Variants in SLC16A7 observed in about 807,000 individuals in gnomAD.
SLC16A7 encodes the protein solute carrier family 16 member 7, also known as monocarboxylate transporter 2.
A neutral mutation model predicts 34.9 loss-of-function variants in SLC16A7; 33 were observed. That is an observed-to-expected ratio of 0.94 (90% CI 0.72 to 1.26). The LOEUF is 1.26. Among genes scored for constraint, SLC16A7 ranks in the 50% most tolerant of loss-of-function variants. The probability of loss-of-function intolerance (pLI) is 0.00; values close to 1 mark genes in which losing one functional copy is unlikely to be tolerated. For synonymous variants in SLC16A7, 201 were observed against 206.6 expected, an observed-to-expected ratio of 0.97 and a Z score of 0.23; for missense variants, 573 against 578.1, an observed-to-expected ratio of 0.99 and a Z score of 0.09.
chr12:59,771,969 A>G (rs1882279031), intron 4 of SLC16A7, among the ~76,000 whole-genome samples: 1 of 152,192 alleles, frequency 6.6e-6, no homozygotes, highest in East Asian at 1.9e-4. Context: ...CTGTCACTTG[A>G]TGATAGTTGT....
At chr12:59,772,667 C>T (rs1302322631) in intron 4 of SLC16A7, among the ~76,000 whole-genome samples, 2 of 151,972 alleles carry the variant, frequency 1.3e-5, no homozygotes, top group South Asian at 2.1e-4. Flanking sequence ...ATCATGGGTA[C>T]GTTAACCTCC....
At chr12:59,702,027 G>A (rs1208837887) in intron 2 of SLC16A7, among the ~76,000 whole-genome samples, 2 of 151,826 alleles carry the variant, frequency 1.3e-5, no homozygotes, top group Non-Finnish European at 2.9e-5. Flanking sequence ...ACAACAAAGA[G>A]TAGTTTACCA....
chr12:59,753,935 A>C (rs1280074812), intron 3 of SLC16A7, among the ~76,000 whole-genome samples: 1 of 152,198 alleles, frequency 6.6e-6, no homozygotes, highest in Non-Finnish European at 1.5e-5. Context: ...TCAAACTAGA[A>C]CTCAGGATTA....
At chr12:59,665,247 T>C (rs1176099035) in intron 2 of SLC16A7, among the ~76,000 whole-genome samples, 2 of 152,114 alleles carry the variant, frequency 1.3e-5, no homozygotes, top group South Asian at 2.1e-4. Flanking sequence ...TTATTTAAAA[T>C]AATGTACATT....
At chr12:59,603,529 A>G (rs2136957849) in intron 1 of SLC16A7, among the ~76,000 whole-genome samples, 1 of 152,290 alleles carries the variant, frequency 6.6e-6, no homozygotes, top group Non-Finnish European at 1.5e-5. Flanking sequence ...TAAGAAGTTG[A>G]GCTTAAACAC....
intron 3 of SLC16A7, among the ~76,000 whole-genome samples, chr12:59,753,238 C>G (rs1267875098): frequency 1.3e-5 from 2 of 152,180 alleles, no homozygotes; most frequent in Non-Finnish European, 2.9e-5. Context: ...ATGACAGGAT[C>G]AAATTCACAC....
At chr12:59,758,245 G>A (rs1388131491) in intron 3 of SLC16A7, among the ~76,000 whole-genome samples, 1 of 151,994 alleles carries the variant, frequency 6.6e-6, no homozygotes, top group East Asian at 1.9e-4. Context: ...CATGTTAAGT[G>A]TTCTTACCAC....
At chr12:59,614,424 G>A (rs935227638) in intron 1 of SLC16A7, among the ~76,000 whole-genome samples, 3 of 152,044 alleles carry the variant, frequency 2.0e-5, no homozygotes, top group Non-Finnish European at 2.9e-5. Context: ...GAAGTGTTTT[G>A]TATGTGTTCT....
At position 59,667,756 on chromosome 12, in the gene SLC16A7, C is replaced by G. The variant is rs374192115; in HGVS notation, c.-31+12506C>G. On this transcript the variant is annotated intron_variant, in intron 2 of 5. Coordinates refer to ENST00000547379, the MANE Select transcript of SLC16A7 (RefSeq NM_001270623.2). ...CTAATCACCAAGACAATGAAGAAAA[C>G]GTCTCCAGGGTATATCAGAGGCCTT... Among the ~76,000 whole-genome samples the G allele has an allele frequency of 6.6e-5, 10 of 152,310 alleles. No individual in the cohort carries two copies. The South Asian group carries it at 1.9e-3, about 28-fold the overall frequency.
chr12:59,689,676 G>T (rs1414035867), intron 2 of SLC16A7, among the ~76,000 whole-genome samples: 2 of 151,858 alleles, frequency 1.3e-5, no homozygotes, highest in African/African-American at 4.8e-5. Context: ...CTTCCTAGAA[G>T]TATCCAGGAA....
chr12:59,704,225 G>GA (rs199580719), intron 2 of SLC16A7, among the ~76,000 whole-genome samples: 29 of 121,894 alleles, frequency 2.4e-4, no homozygotes, highest in East Asian at 2.0e-3. Context: ...AAAAGAAAAA[G>GA]AAAAAAAAAA....
chr12:59,691,864 A>T (rs1313070012), intron 2 of SLC16A7, among the ~76,000 whole-genome samples: 1 of 151,980 alleles, frequency 6.6e-6, no homozygotes, highest in Non-Finnish European at 1.5e-5. Context: ...GTGTCTTTGC[A>T]TACCTGTGCA....
At chr12:59,616,223 A>G (rs1879442773) in intron 1 of SLC16A7, among the ~76,000 whole-genome samples, 1 of 152,196 alleles carries the variant, frequency 6.6e-6, no homozygotes, top group African/African-American at 2.4e-5. Context: ...GCATTTATTA[A>G]AGTATTTACT....
intron 1 of SLC16A7, among the ~76,000 whole-genome samples, chr12:59,652,419 A>T (rs1386829796): frequency 6.6e-6 from 1 of 151,988 alleles, no homozygotes; most frequent in Non-Finnish European, 1.5e-5. Context: ...TTTCGTTGTA[A>T]CTAAAATTCT....
In SLC16A7 at chr12:59,650,082, T is replaced by A. The variant is rs550055261; in HGVS notation, c.-129-5070T>A. On this transcript the variant is annotated intron_variant, in intron 1 of 5. Transcript: ENST00000547379. ...GTGTTTAGGATTTATATATATCATC[T>A]TTTTTTTTGCTTATTAGAACAGATA... Among the ~76,000 whole-genome samples, 5 of 150,108 alleles carry A rather than the reference T, an allele frequency of 3.3e-5. No homozygotes were observed. In the South Asian group the frequency reaches 1.0e-3, roughly 31 times the overall value.
chr12:59,743,913 C>T (rs1032159556), intron 3 of SLC16A7, among the ~76,000 whole-genome samples: 3 of 152,082 alleles, frequency 2.0e-5, no homozygotes, highest in African/African-American at 7.2e-5. Flanking sequence ...ATGAGTTCAA[C>T]TATTTAACTT....
At chr12:59,652,313 C>T (rs1189409586) in intron 1 of SLC16A7, among the ~76,000 whole-genome samples, 1 of 151,924 alleles carries the variant, frequency 6.6e-6, no homozygotes, top group East Asian at 1.9e-4. Context: ...ATTCCTAGCC[C>T]TTTGAATGAG....
rs993867876 is a variant in SLC16A7 at position 59,693,445 on chromosome 12, C to T, written c.-30-11327C>T. 4.6e-5 allele frequency among the ~76,000 whole-genome samples: 7 copies of T among 151,950 alleles called. No homozygotes were observed. In the East Asian group the frequency reaches 1.4e-3, roughly 29 times the overall value. On this transcript the variant is annotated intron_variant, in intron 2 of 5. Coordinates refer to ENST00000547379, the MANE Select transcript of SLC16A7 (RefSeq NM_001270623.2). ...ATCATCACTAATAGTTTCATTACTC[C>T]TATGTGTTACATATTTTTCTCCATA...
chr12:59,597,923 C>T lies in SLC16A7; in HGVS notation c.-130+1687C>T, dbSNP rs556213947. 8.1e-4 allele frequency among the ~76,000 whole-genome samples: 124 copies of T among 152,242 alleles called. 1 individual carries two copies. Among genetic ancestry groups the T allele is most frequent in the African/African-American group, 2.6e-3 (109 of 41,542 alleles). On this transcript the variant is annotated intron_variant, in intron 1 of 5. Coordinates refer to ENST00000547379, the MANE Select transcript of SLC16A7 (RefSeq NM_001270623.2). ...ATCTGAAATTTTAACATCTGTTTCC[C>T]GATGTTCAAATTAGTGTATCCTTCT...
Sources: allele counts gnomAD v4.1 joint callset (sites outside exome capture counted in the v4.1 genomes callset), GRCh38; gene constraint gnomAD v4.1.1; transcripts MANE v1.5; gene names NCBI Gene and HGNC (gene_info 2026-07-23, HGNC 2026-07-21).